SULT2B1: variants seen among roughly 807,000 people sequenced by gnomAD.
The protein encoded by SULT2B1 is sulfotransferase 2B1.
SULT2B1 carries 16 observed loss-of-function variants against 33.2 expected under a neutral mutation model. The ratio of observed to expected loss-of-function variants is 0.48; its 90% CI spans 0.33 to 0.73. The LOEUF (loss-of-function observed/expected upper bound fraction) is 0.73, where lower values mean the gene tolerates loss of function less well. SULT2B1 is among the 30% of genes least tolerant of loss of function. The probability of loss-of-function intolerance (pLI) is 0.02; values close to 1 mark genes in which losing one functional copy is unlikely to be tolerated. For missense variants in SULT2B1, 500 were observed against 506.0 expected, an observed-to-expected ratio of 0.99 and a Z score of 0.11; for synonymous variants, 186 against 200.5, an observed-to-expected ratio of 0.93 and a Z score of 0.61.
chr19:48,570,167 C>A (rs1436011272), intron 1 of SULT2B1, among the ~76,000 whole-genome samples: 12 of 134,600 alleles, frequency 8.9e-5, no homozygotes, highest in African/African-American at 3.5e-4. Flanking sequence ...CTGTGGGAAC[C>A]GCCGGTTTGT....
chr19:48,578,174 C>T (rs993818453), intron 2 of SULT2B1, among the ~76,000 whole-genome samples: 2 of 152,076 alleles, frequency 1.3e-5, no homozygotes, highest in African/African-American at 2.4e-5. Context: ...GATCACACCA[C>T]TGCACTTCAG....
At chr19:48,581,225 G>T (rs1247266783) in intron 2 of SULT2B1, among the ~76,000 whole-genome samples, 44 of 125,858 alleles carry the variant, frequency 3.5e-4, no homozygotes, top group African/African-American at 1.2e-3. Flanking sequence ...TTTTTTTTTA[G>T]TAGATCGGGG....
intron 1 of SULT2B1, among the ~76,000 whole-genome samples, chr19:48,554,755 C>T (rs950537125): frequency 6.8e-6 from 1 of 147,538 alleles, no homozygotes; most frequent in Non-Finnish European, 1.5e-5. Context: ...CCTCCGCCTC[C>T]CAGGTTCAGG....
chr19:48,577,311 T>TCCCAAA (rs1210774570), intron 2 of SULT2B1, among the ~76,000 whole-genome samples: 1 of 139,900 alleles, frequency 7.1e-6, no homozygotes, highest in Non-Finnish European at 1.5e-5. Flanking sequence ...AGCCTTGGCC[T>TCCCAAA]CCCAAAGTGT....
At chr19:48,594,219 C>G (rs1973681788) in intron 5 of SULT2B1, among the ~76,000 whole-genome samples, 1 of 152,040 alleles carries the variant, frequency 6.6e-6, no homozygotes. Context: ...CAAGATCGCA[C>G]CATTGCACTC....
At position 48,579,738 on chromosome 19, in the gene SULT2B1, T is replaced by C. The variant is rs546949031; in HGVS notation, c.214+3655T>C. On this transcript the variant is annotated intron_variant, in intron 2 of 6. Transcript: ENST00000201586. ...TCTCCTGCCTCAGCCTCCTGAGTAG[T>C]TGGAATTACAGGCACCTGCCACCAC... Among the ~76,000 whole-genome samples the C allele has an allele frequency of 7.3e-3, 1,096 of 150,250 alleles. 17 individuals carry two copies. Among genetic ancestry groups the C allele is most frequent in the African/African-American group, 0.025 (1,012 of 40,834 alleles).
chr19:48,596,831 C>T lies in SULT2B1; in HGVS notation c.738C>T (p.Phe246=), dbSNP rs1235821188. The T allele has an allele frequency of 5.6e-6, 9 of 1,609,842 alleles. No individual in the cohort carries two copies. In the African/African-American group the frequency reaches 1.2e-4, roughly 21 times the overall value. The change falls in exon 6 of 7, where the codon TTC becomes TTT. Residue 246 remains phenylalanine (F), a synonymous_variant. Transcript: ENST00000201586. ...GCTCCGTCGTGGCACACTCAACCTT[C>T]AGCGCCATGAAGGCCAACACCATGT... The part of the protein sequence containing the change: ...ALGSVVAHST[F]SAMKANTMSN...
chr19:48,576,898 C>T (rs1323963746), intron 2 of SULT2B1, among the ~76,000 whole-genome samples: 1 of 151,888 alleles, frequency 6.6e-6, no homozygotes, highest in African/African-American at 2.4e-5. Flanking sequence ...GCCTCAGCCT[C>T]CCAAAGTGCT....
At chr19:48,591,808 A>C in intron 4 of SULT2B1, 73 bp downstream of exon 4, 1 of 1,464,670 alleles carries the variant, frequency 6.8e-7, no homozygotes, top group Non-Finnish European at 9.1e-7. Context: ...AGAGGGACAG[A>C]GGAGGGGTAA....
At chr19:48,584,252 A>C (rs567815567) in intron 2 of SULT2B1, among the ~76,000 whole-genome samples, 1 of 152,302 alleles carries the variant, frequency 6.6e-6, no homozygotes, top group East Asian at 1.9e-4. Flanking sequence ...ACAAGATTAG[A>C]GTTTCGCTGC....
intron 3 of SULT2B1, among the ~76,000 whole-genome samples, chr19:48,590,707 G>A (rs1973632623): frequency 6.6e-6 from 1 of 152,194 alleles, no homozygotes; most frequent in African/African-American, 2.4e-5. Flanking sequence ...ATCCTCTACA[G>A]CACAGGAATC....
chr19:48,575,834 G>C (rs1170557034), intron 1 of SULT2B1, 107 bp from the exon 2 acceptor site: 1 of 1,523,168 alleles, frequency 6.6e-7, no homozygotes. Flanking sequence ...GAGGGACTGA[G>C]GCTCTGAGGA....
chr19:48,560,533 A>G (rs937511912), intron 1 of SULT2B1, among the ~76,000 whole-genome samples: 1 of 151,922 alleles, frequency 6.6e-6, no homozygotes, highest in African/African-American at 2.4e-5. Context: ...CTCCATAGAT[A>G]TATACCGTGA....
rs773326349 is a variant in SULT2B1 at position 48,552,571 on chromosome 19, G to A, written c.71+248G>A. 1.3e-5 allele frequency among the ~76,000 whole-genome samples: 2 copies of A among 152,106 alleles called. No homozygotes were observed. Among genetic ancestry groups the A allele is most frequent in the East Asian group, 1.9e-4 (1 of 5,192 alleles). On this transcript the variant is annotated intron_variant, in intron 1 of 6. Transcript: ENST00000201586. This position sits in a 1 kb window ranked among gnomAD's most constrained non-coding sequence, Gnocchi z 4.8. ...GCCTGGGGTGTCCCTGTCGCTCTCCGGGCCTCAGTTTTTCTGTCTGTCAAA... is the reference window on the plus strand; with the variant it reads ...GCCTGGGGTGTCCCTGTCGCTCTCCAGGCCTCAGTTTTTCTGTCTGTCAAA...
At chr19:48,561,724 G>C (rs527454230) in intron 1 of SULT2B1, among the ~76,000 whole-genome samples, 1 of 152,114 alleles carries the variant, frequency 6.6e-6, no homozygotes, top group African/African-American at 2.4e-5. Flanking sequence ...CAGGCTTCAA[G>C]GGACAGAGCC....
In SULT2B1 at chr19:48,590,142, C is replaced by G. The variant is rs980635804; in HGVS notation, c.424-1467C>G. 1.0e-3 allele frequency among the ~76,000 whole-genome samples: 158 copies of G among 152,102 alleles called. 1 individual carries two copies. The highest frequency in any genetic ancestry group is 3.6e-3 in the African/African-American group (151 of 41,570). On this transcript the variant is annotated intron_variant, in intron 3 of 6. Coordinates refer to ENST00000201586, the MANE Select transcript of SULT2B1 (RefSeq NM_177973.2). Reference sequence around the variant, plus strand: ...AGCTGGGATTACAGGCGCCCACCACCATGCCCAGCTAATTTTTTGTATTTT... The same window carrying G: ...AGCTGGGATTACAGGCGCCCACCACGATGCCCAGCTAATTTTTTGTATTTT...
chr19:48,553,537 TC>T (rs1384641449), intron 1 of SULT2B1, among the ~76,000 whole-genome samples: 1 of 152,190 alleles, frequency 6.6e-6, no homozygotes, highest in Non-Finnish European at 1.5e-5. Context: ...GTTCTTGAAC[TC>T]CTTGCCTCAG....
At position 48,568,435 on chromosome 19, in the gene SULT2B1, C is replaced by G. The variant is rs933796648; in HGVS notation, c.72-7506C>G. ...GCCCTGAAGACAGAGAAGGAGCTGG[C>G]CTTGAATCCTGTAAATGTTCCCAAA... On this transcript the variant is annotated intron_variant, in intron 1 of 6. Transcript: ENST00000201586. Among the ~76,000 whole-genome samples the G allele has an allele frequency of 2.6e-5, 4 of 152,086 alleles. No homozygotes were observed. The East Asian group carries it at 7.7e-4, about 29-fold the overall frequency.
chr19:48,580,411 C>A (rs569002541), intron 2 of SULT2B1, among the ~76,000 whole-genome samples: 2 of 152,066 alleles, frequency 1.3e-5, no homozygotes, highest in Non-Finnish European at 2.9e-5. Context: ...AGACATGCAC[C>A]ACCACGCCCA....
Sources: allele counts gnomAD v4.1 joint callset (sites outside exome capture counted in the v4.1 genomes callset), GRCh38; gene constraint gnomAD v4.1.1; non-coding constraint Gnocchi (gnomAD v3.1); transcripts MANE v1.5; gene names NCBI Gene and HGNC (gene_info 2026-07-23, HGNC 2026-07-21).